The following SETBP1 variants were observed in gnomAD, a reference collection of about 807,000 sequenced individuals.
SETBP1 encodes the protein SET binding protein 1.
Under a neutral mutation model 101.0 loss-of-function variants are expected in SETBP1, and 9 were observed. The observed-to-expected ratio is 0.09, with a 90% CI of 0.05 to 0.16. The LOEUF is 0.16. SETBP1 is among the 10% of genes least tolerant of loss of function. SETBP1 has a pLI of 1.00. For missense variants in SETBP1, 1,858 were observed against 2,033.8 expected, an observed-to-expected ratio of 0.91 and a Z score of 1.66; for synonymous variants, 818 against 788.5, an observed-to-expected ratio of 1.04 and a Z score of -0.63.
chr18:45,000,793 A>AATACAC (rs1555643152), intron 4 of SETBP1, among the ~76,000 whole-genome samples: 1 of 146,702 alleles, frequency 6.8e-6, no homozygotes, highest in East Asian at 2.0e-4. Flanking sequence ...GAATGCACAC[A>AATACAC]ACACACACAC....
At chr18:45,041,427 G>A (rs2073505850) in intron 5 of SETBP1, among the ~76,000 whole-genome samples, 1 of 152,084 alleles carries the variant, frequency 6.6e-6, no homozygotes, top group African/African-American at 2.4e-5. Flanking sequence ...TCTTTAGAGT[G>A]CCTTTCTTCA....
rs976871490 is a variant in SETBP1 at position 44,952,866 on chromosome 18, G to A, written c.3526G>A (p.Gly1176Ser). ...THDNLSGLFA[G>S]KATGFSSHIL... ...TGACAACCTGAGTGGTCTTTTTGCA[G>A]GCAAAGCCACAGGCTTCTCCAGCCA... The change falls in exon 4 of 6, where the codon GGC becomes AGC. Residue 1176 changes from glycine to serine, a missense_variant. By Grantham distance (56) the Gly-to-Ser change is moderately conservative. This residue lies in a region of SETBP1 where 417 missense variants were observed against 389.1 expected (regional missense o/e 1.07). Transcript: ENST00000649279. 6.2e-7 allele frequency: 1 copy of A among 1,614,162 alleles called. No homozygotes were observed. The highest frequency in any genetic ancestry group is 1.3e-5 in the African/African-American group (1 of 75,046).
At chr18:44,985,114 C>G (rs1361278519) in intron 4 of SETBP1, among the ~76,000 whole-genome samples, 2 of 152,182 alleles carry the variant, frequency 1.3e-5, no homozygotes, top group Admixed American at 6.5e-5. Flanking sequence ...GCACTCCAGA[C>G]TGGGCGACAG....
intron 2 of SETBP1, among the ~76,000 whole-genome samples, chr18:44,866,699 A>G (rs1472168628): frequency 6.6e-6 from 1 of 152,192 alleles, no homozygotes; most frequent in Non-Finnish European, 1.5e-5. Context: ...GTGTTCCTGC[A>G]CAGGTCACTC....
chr18:44,754,616 A>G (rs938488772), intron 2 of SETBP1, among the ~76,000 whole-genome samples: 18 of 152,248 alleles, frequency 1.2e-4, no homozygotes, highest in African/African-American at 4.3e-4. Context: ...TAAGTACCAC[A>G]TACTCATATT....
chr18:45,052,601 T>C (rs2073740202), intron 5 of SETBP1, among the ~76,000 whole-genome samples: 1 of 152,102 alleles, frequency 6.6e-6, no homozygotes, highest in Non-Finnish European at 1.5e-5. Flanking sequence ...AATAATAGAG[T>C]TGGGCACACA....
intron 2 of SETBP1, among the ~76,000 whole-genome samples, chr18:44,779,099 T>C (rs2071069751): frequency 1.3e-5 from 2 of 152,246 alleles, no homozygotes; most frequent in Non-Finnish European, 2.9e-5. Context: ...AGTTTAATCT[T>C]CCTTAAGACA....
rs1163369891 is a variant in SETBP1, at chr18:45,063,622, C to T, written c.4715C>T (p.Pro1572Leu). ...QPPQQSPPQQ[P>L]LPQEEEVKAK... Reference sequence around the variant, plus strand: ...CCACAGCAGTCGCCCCCGCAGCAGCCCCTTCCCCAGGAAGAGGAGGTGAAA... The same window carrying T: ...CCACAGCAGTCGCCCCCGCAGCAGCTCCTTCCCCAGGAAGAGGAGGTGAAA... The change falls in exon 6 of 6, where the codon CCC becomes CTC. Residue 1572 changes from proline to leucine, a missense_variant. Pro to Leu is a moderately conservative substitution (Grantham distance 98). This residue lies in a region of SETBP1 where 178 missense variants were observed against 189.1 expected (regional missense o/e 0.94). Coordinates refer to ENST00000649279, the MANE Select transcript of SETBP1 (RefSeq NM_015559.3). 2 of 1,603,922 alleles carry T rather than the reference C, an allele frequency of 1.2e-6. No homozygotes were observed. The highest frequency in any genetic ancestry group is 2.2e-5 in the East Asian group (1 of 44,504).
At chr18:45,051,699 C>T (rs150391810) in intron 5 of SETBP1, among the ~76,000 whole-genome samples, 197 of 152,266 alleles carry the variant, frequency 1.3e-3, no homozygotes, top group Non-Finnish European at 1.7e-3. Context: ...TCAATCTTAA[C>T]GTTCTTAACA....
At chr18:44,980,067 C>T (rs1417299314) in intron 4 of SETBP1, among the ~76,000 whole-genome samples, 1 of 152,134 alleles carries the variant, frequency 6.6e-6, no homozygotes, top group African/African-American at 2.4e-5. Flanking sequence ...ATGCTTTGTT[C>T]TCTATTCTTG....
chr18:44,925,770 T>C (rs1463319865), intron 3 of SETBP1, among the ~76,000 whole-genome samples: 3 of 152,200 alleles, frequency 2.0e-5, no homozygotes, highest in East Asian at 1.9e-4. Context: ...TCCATTTATA[T>C]AGTTTTTTTT....
At chr18:45,036,832 G>T (rs1489397712) in intron 4 of SETBP1, among the ~76,000 whole-genome samples, 1 of 152,190 alleles carries the variant, frequency 6.6e-6, no homozygotes, top group African/African-American at 2.4e-5. Context: ...TCAGCAGACT[G>T]GGGTCATGAT....
chr18:44,706,366 A>G (rs949848508), intron 2 of SETBP1, among the ~76,000 whole-genome samples: 5 of 151,884 alleles, frequency 3.3e-5, no homozygotes, highest in African/African-American at 9.7e-5. Flanking sequence ...TGGGTGGATC[A>G]CTTGAGATCA....
At chr18:44,936,482 T>C (rs1283154956) in intron 3 of SETBP1, among the ~76,000 whole-genome samples, 1 of 152,232 alleles carries the variant, frequency 6.6e-6, no homozygotes, top group Non-Finnish European at 1.5e-5. Flanking sequence ...GCTCTACTGC[T>C]GAGAGGCTGT....
chr18:44,942,393 G>A (rs537479603), intron 3 of SETBP1, among the ~76,000 whole-genome samples: 1 of 152,254 alleles, frequency 6.6e-6, no homozygotes, highest in Admixed American at 6.5e-5. Flanking sequence ...AGATACTTAA[G>A]ATAATCCCTA....
intron 2 of SETBP1, among the ~76,000 whole-genome samples, chr18:44,805,754 A>G (rs2071719058): frequency 6.6e-6 from 1 of 152,048 alleles, no homozygotes; most frequent in South Asian, 2.1e-4. Context: ...CCTTGAGCTC[A>G]GCGCTGAGCT....
intron 2 of SETBP1, among the ~76,000 whole-genome samples, chr18:44,801,297 T>C (rs1328460685): frequency 2.0e-5 from 3 of 151,412 alleles, no homozygotes; most frequent in African/African-American, 7.3e-5. Flanking sequence ...AAAGGTTAAG[T>C]AGGGGCAGGA....
chr18:44,956,341 C>T (rs1296029011), intron 4 of SETBP1, among the ~76,000 whole-genome samples: 1 of 152,062 alleles, frequency 6.6e-6, no homozygotes, highest in African/African-American at 2.4e-5. Flanking sequence ...GAGCATTCAC[C>T]TTAATGTGAT....
intron 2 of SETBP1, among the ~76,000 whole-genome samples, chr18:44,709,491 T>C (rs985866002): frequency 4.3e-4 from 65 of 152,324 alleles, no homozygotes; most frequent in African/African-American, 1.5e-3. Context: ...CTTGAAACGT[T>C]TCCTGACAGT....
Sources: gnomAD v4.1 joint callset for allele counts (sites outside exome capture counted in the v4.1 genomes callset) on GRCh38, gnomAD v4.1.1 for gene constraint, gnomAD v4.1.1 regional missense constraint, MANE v1.5 for transcripts, NCBI Gene and HGNC (gene_info 2026-07-23, HGNC 2026-07-21) for gene names.